RGPD2: variants seen among roughly 807,000 people sequenced by gnomAD.
RGPD2 encodes RANBP2 like and GRIP domain containing 2.
In RGPD2, 2 loss-of-function variants were observed where a neutral mutation model predicts 36.0. The observed-to-expected ratio is 0.06, with a 90% CI of 0.02 to 0.17. The LOEUF (loss-of-function observed/expected upper bound fraction) is 0.17, where lower values mean the gene tolerates loss of function less well. Among genes scored for constraint, RGPD2 ranks in the 10% least tolerant of loss-of-function variants. The pLI is 1.00. For synonymous variants in RGPD2, 19 were observed against 163.8 expected, an observed-to-expected ratio of 0.12 and a Z score of 6.75; for missense variants, 40 against 464.3, an observed-to-expected ratio of 0.09 and a Z score of 8.40.
chr2:87,886,287 C>T, the RGPD2 span, among the ~76,000 whole-genome samples: 1 of 151,912 alleles, frequency 6.6e-6, no homozygotes, highest in Non-Finnish European at 1.5e-5. Flanking sequence ...TAAATGCCCC[C>T]TTTTCATTGC....
chr2:87,902,268 T>G, the RGPD2 span, among the ~76,000 whole-genome samples: 1 of 152,270 alleles, frequency 6.6e-6, no homozygotes, highest in African/African-American at 2.4e-5. Flanking sequence ...TTGTGAAGAA[T>G]TTGGGGATCT....
chr2:87,978,793 C>T, the RGPD2 span, among the ~76,000 whole-genome samples: 1 of 131,840 alleles, frequency 7.6e-6, no homozygotes, highest in South Asian at 2.5e-4. Context: ...ATGAAGCATA[C>T]CAGTAATCCT....
the RGPD2 span, among the ~76,000 whole-genome samples, chr2:87,882,500 C>T: frequency 6.6e-6 from 1 of 152,202 alleles, no homozygotes; most frequent in Non-Finnish European, 1.5e-5. Flanking sequence ...ATTCCTATAG[C>T]TTTGTAATAT....
At chr2:87,780,543 A>G (rs1245446970) in intron 20 of RGPD2, among the ~76,000 whole-genome samples, 1 of 152,070 alleles carries the variant, frequency 6.6e-6, no homozygotes, top group Non-Finnish European at 1.5e-5. Context: ...TTAAAAAAAA[A>G]TCAGAGATTG....
At chr2:87,839,283 T>C in the RGPD2 span, among the ~76,000 whole-genome samples, 1 of 152,072 alleles carries the variant, frequency 6.6e-6, no homozygotes, top group African/African-American at 2.4e-5. Context: ...ATGCTCAATA[T>C]CACTAATCAT....
At chr2:87,952,357 T>C in the RGPD2 span, among the ~76,000 whole-genome samples, 2 of 152,194 alleles carry the variant, frequency 1.3e-5, no homozygotes, top group Non-Finnish European at 1.5e-5. Context: ...TGAAACTTAA[T>C]ATTAGAGATG....
the RGPD2 span, among the ~76,000 whole-genome samples, chr2:87,853,423 G>A: frequency 7.9e-5 from 12 of 151,762 alleles, no homozygotes; most frequent in African/African-American, 2.9e-4. Flanking sequence ...AGGATCTTGC[G>A]ATGTTGTCCA....
At chr2:87,905,494 G>A in the RGPD2 span, among the ~76,000 whole-genome samples, 8 of 151,278 alleles carry the variant, frequency 5.3e-5, no homozygotes, top group Admixed American at 5.3e-4. Flanking sequence ...AATACTTTAA[G>A]AAAAAAATCA....
the RGPD2 span, chr2:87,985,793 A>G: frequency 6.2e-7 from 1 of 1,611,212 alleles, no homozygotes. Context: ...TCACAAATAA[A>G]TTCCACTCTG....
At chr2:87,911,526 A>C in the RGPD2 span, among the ~76,000 whole-genome samples, 1 of 152,106 alleles carries the variant, frequency 6.6e-6, no homozygotes, top group Non-Finnish European at 1.5e-5. Context: ...TTTCTTTGAA[A>C]ACAATAAAAT....
the RGPD2 span, among the ~76,000 whole-genome samples, chr2:87,912,310 G>C: frequency 2.0e-5 from 3 of 152,058 alleles, no homozygotes; most frequent in African/African-American, 7.2e-5. Context: ...CTAATTAAAA[G>C]TGTCAGCTGT....
the RGPD2 span, among the ~76,000 whole-genome samples, chr2:87,882,287 A>C: frequency 6.6e-6 from 1 of 152,206 alleles, no homozygotes; most frequent in Non-Finnish European, 1.5e-5. Flanking sequence ...ATAAGGGTGA[A>C]ATCAGGGTTC....
rs992462711 is a variant in RGPD2 at position 87,807,380 on chromosome 2, G to GTTT, written c.780-492_780-490dup. 5.6e-3 allele frequency among the ~76,000 whole-genome samples: 463 copies of GTTT among 81,976 alleles called. 5 individuals carry two copies. The highest frequency in any genetic ancestry group is 0.01 in the African/African-American group (160 of 15,618). 53.8% of individuals were successfully genotyped at this position (81,976 alleles called of 152,430 possible). On this transcript the variant is annotated intron_variant, in intron 6 of 22. Coordinates refer to ENST00000398146, the MANE Select transcript of RGPD2 (RefSeq NM_001078170.3). ...ATATAGATCATTACAGCGTTAAATTGTTTTTTTTTTTTTTTTTTTTTTTTG... is the reference window on the plus strand; with the variant it reads ...ATATAGATCATTACAGCGTTAAATTGTTTTTTTTTTTTTTTTTTTTTTTTTTTG...
At chr2:87,915,411 GTATATA>G in the RGPD2 span, among the ~76,000 whole-genome samples, 3 of 134,082 alleles carry the variant, frequency 2.2e-5, no homozygotes, top group Admixed American at 2.3e-4. Flanking sequence ...TATATATATT[GTATATA>G]TGTATATGTA....
At chr2:87,952,285 A>G in the RGPD2 span, among the ~76,000 whole-genome samples, 1 of 152,158 alleles carries the variant, frequency 6.6e-6, no homozygotes. Context: ...AAAATAAAAC[A>G]AAAATCTAGA....
At chr2:87,988,543 T>TATATATA in the RGPD2 span, among the ~76,000 whole-genome samples, 263 of 27,806 alleles carry the variant, frequency 9.5e-3, 3 homozygotes, top group African/African-American at 0.025. Context: ...ATATATATAT[T>TATATATA]TTTTTTTTTT....
the RGPD2 span, among the ~76,000 whole-genome samples, chr2:87,876,010 C>CA: frequency 6.6e-6 from 1 of 151,724 alleles, no homozygotes; most frequent in Non-Finnish European, 1.5e-5. Context: ...GAGGTGTTTG[C>CA]AGTATTCTCT....
the RGPD2 span, among the ~76,000 whole-genome samples, chr2:87,929,467 TG>T: frequency 8.6e-6 from 1 of 116,540 alleles, no homozygotes. Context: ...CCTCCAGCTT[TG>T]TTTTTTTTGT....
the RGPD2 span, among the ~76,000 whole-genome samples, chr2:87,860,950 T>C: frequency 2.0e-5 from 3 of 151,958 alleles, no homozygotes; most frequent in Non-Finnish European, 4.4e-5. Flanking sequence ...CTTGGAAACT[T>C]GTCATTATTA....
Sources: allele counts gnomAD v4.1 joint callset (sites outside exome capture counted in the v4.1 genomes callset), GRCh38; gene constraint gnomAD v4.1.1; transcripts MANE v1.5; gene names NCBI Gene and HGNC (gene_info 2026-07-23, HGNC 2026-07-21).